The following ME3 variants were observed in gnomAD, a reference collection of about 807,000 sequenced individuals.
ME3 encodes NADP-dependent malic enzyme, mitochondrial.
In ME3, 48 loss-of-function variants were observed where a neutral mutation model predicts 68.9. That is an observed-to-expected ratio of 0.70 (90% CI 0.55 to 0.89). The LOEUF (loss-of-function observed/expected upper bound fraction) is 0.89. Among genes scored for constraint, ME3 ranks in the 40% least tolerant of loss-of-function variants. The pLI is 0.00. For missense variants in ME3, 675 were observed against 797.4 expected (o/e 0.85, Z 1.85); for synonymous variants, 320 against 318.8 (o/e 1.00, Z -0.04).
intron 2 of ME3, among the ~76,000 whole-genome samples, chr11:86,601,099 A>G (rs1251196223): frequency 6.6e-6 from 1 of 150,844 alleles, no homozygotes; most frequent in African/African-American, 2.4e-5. Context: ...AAATAACTAA[A>G]ATCAGAGCAG....
At chr11:86,491,107 T>TA (rs1470792580) in intron 6 of ME3, among the ~76,000 whole-genome samples, 1 of 152,236 alleles carries the variant, frequency 6.6e-6, no homozygotes. Context: ...GATATGACGT[T>TA]AAAAAATAGA....
At chr11:86,655,870 G>A (rs373081785) in intron 2 of ME3, among the ~76,000 whole-genome samples, 166 of 152,018 alleles carry the variant, frequency 1.1e-3, no homozygotes, top group African/African-American at 3.6e-3. Flanking sequence ...GCTAATATCC[G>A]GAATCTACAA....
chr11:86,629,070 G>A (rs1009722906), intron 2 of ME3, among the ~76,000 whole-genome samples: 2 of 152,198 alleles, frequency 1.3e-5, no homozygotes, highest in East Asian at 1.9e-4. Context: ...CGTGCCCCTT[G>A]TTCCTGCAAA....
At chr11:86,569,764 G>A (rs1352638101) in intron 2 of ME3, among the ~76,000 whole-genome samples, 1 of 152,154 alleles carries the variant, frequency 6.6e-6, no homozygotes, top group African/African-American at 2.4e-5. Context: ...CCCACTTTGT[G>A]GACTAGGAAA....
chr11:86,628,076 T>C (rs1259576977), intron 2 of ME3, among the ~76,000 whole-genome samples: 1 of 152,196 alleles, frequency 6.6e-6, no homozygotes, highest in East Asian at 1.9e-4. Context: ...GTGCAGATGA[T>C]TCAATGGGGA....
intron 7 of ME3, among the ~76,000 whole-genome samples, chr11:86,467,578 G>A (rs1377338241): frequency 1.3e-5 from 2 of 152,014 alleles, no homozygotes; most frequent in Admixed American, 6.5e-5. Context: ...CAACTGGCCT[G>A]CAGCTAAAAT....
chr11:86,438,195 G>T (rs914734728), downstream of ME3, among the ~76,000 whole-genome samples: 3 of 151,612 alleles, frequency 2.0e-5, no homozygotes, highest in Non-Finnish European at 4.4e-5. Flanking sequence ...ATGGGCGTTG[G>T]TTTTTTTCAA....
intron 5 of ME3, 27 bp from the exon 6 acceptor site, chr11:86,498,151 C>G: frequency 2.5e-6 from 4 of 1,594,716 alleles, no homozygotes; most frequent in Non-Finnish European, 1.7e-6. Flanking sequence ...CACCATCAAT[C>G]AGGGACAGCA....
intron 2 of ME3, among the ~76,000 whole-genome samples, chr11:86,634,820 T>C (rs531710798): frequency 6.6e-6 from 1 of 152,328 alleles, no homozygotes; most frequent in East Asian, 1.9e-4. Context: ...GCTTCTCTGT[T>C]AGGACAAACT....
intron 2 of ME3, among the ~76,000 whole-genome samples, chr11:86,592,197 G>A (rs915065391): frequency 1.3e-5 from 2 of 152,166 alleles, no homozygotes; most frequent in Non-Finnish European, 2.9e-5. Flanking sequence ...ATGATGGCCA[G>A]GTGTGTTGGG....
At chr11:86,640,643 A>C (rs1944610596) in intron 2 of ME3, among the ~76,000 whole-genome samples, 1 of 152,216 alleles carries the variant, frequency 6.6e-6, no homozygotes, top group South Asian at 2.1e-4. Context: ...GCAGTCACTC[A>C]TTCTGATCCT....
rs552305302 is a variant in ME3, at chr11:86,658,156, A to G, written c.183+13606T>C. ...AATTTTTTTTTTTTGAGACAATCTC[A>G]TGCTGTCGCCCAGGCTGGAGTGCAG... On this transcript the variant is annotated intron_variant, in intron 2 of 14. Coordinates refer to ENST00000543262, the Ensembl canonical transcript of ME3. 3.0e-4 allele frequency among the ~76,000 whole-genome samples: 45 copies of G among 151,156 alleles called. 2 individuals carry two copies. The South Asian group carries it at 9.4e-3, about 32-fold the overall frequency.
At position 86,655,911 on chromosome 11, in the gene ME3, A is replaced by C. The variant is rs1049014809; in HGVS notation, c.183+15851T>G. On this transcript the variant is annotated intron_variant, in intron 2 of 14. Coordinates refer to ENST00000543262, the Ensembl canonical transcript of ME3. The stretch of plus-strand genomic sequence containing the variant: ...TCAAACAAATTTACAAGAAAAAAAC[A>C]AACAACCCCATCAAAAAGTGGGCCA... Among the ~76,000 whole-genome samples the C allele has an allele frequency of 8.4e-3, 1,282 of 152,070 alleles. 23 individuals carry two copies. The highest frequency in any genetic ancestry group is 0.029 in the African/African-American group (1,196 of 41,428).
intron 2 of ME3, among the ~76,000 whole-genome samples, chr11:86,583,519 T>G (rs1958561330): frequency 6.6e-6 from 1 of 152,196 alleles, no homozygotes; most frequent in Non-Finnish European, 1.5e-5. Context: ...AGGTTCATTT[T>G]CTAATAGTAA....
intron 4 of ME3, among the ~76,000 whole-genome samples, chr11:86,516,874 C>T (rs1254067550): frequency 6.6e-6 from 1 of 152,108 alleles, no homozygotes; most frequent in African/African-American, 2.4e-5. Flanking sequence ...GCTTGGTCAT[C>T]AGGGCCCACT....
chr11:86,582,994 A>G (rs1958529449), intron 2 of ME3, among the ~76,000 whole-genome samples: 1 of 152,110 alleles, frequency 6.6e-6, no homozygotes, highest in Non-Finnish European at 1.5e-5. Context: ...AGAAACCAAG[A>G]TCAGAGGCTG....
chr11:86,596,111 T>C (rs1230269167), intron 2 of ME3, among the ~76,000 whole-genome samples: 1 of 152,270 alleles, frequency 6.6e-6, no homozygotes, highest in Non-Finnish European at 1.5e-5. Flanking sequence ...TCAGACTGCT[T>C]TGATAGTTCC....
chr11:86,667,223 C>G (rs1405780784), intron 2 of ME3, among the ~76,000 whole-genome samples: 2 of 152,180 alleles, frequency 1.3e-5, no homozygotes, highest in Non-Finnish European at 2.9e-5. Flanking sequence ...TTCATTCTTT[C>G]CCTGACTATC....
intron 4 of ME3, among the ~76,000 whole-genome samples, chr11:86,538,890 G>A (rs912301767): frequency 2.6e-5 from 4 of 152,134 alleles, no homozygotes; most frequent in Non-Finnish European, 4.4e-5. Context: ...GGAAGAAGAG[G>A]GGCTTTCTTG....
Sources: allele counts gnomAD v4.1 joint callset (sites outside exome capture counted in the v4.1 genomes callset), GRCh38; gene constraint gnomAD v4.1.1; transcripts MANE v1.5; gene names NCBI Gene and HGNC (gene_info 2026-07-23, HGNC 2026-07-21).